Variants in TCF25 observed in about 807,000 individuals in gnomAD.
TCF25 encodes ribosome quality control complex subunit TCF25.
Under a neutral mutation model 83.1 loss-of-function variants are expected in TCF25, and 41 were observed. That is an observed-to-expected ratio of 0.49 (90% CI 0.38 to 0.64). The LOEUF is 0.64. Ranked by LOEUF, TCF25 falls within the 30% of genes least tolerant of loss-of-function variation. The pLI, the probability that TCF25 is intolerant of heterozygous loss-of-function variation, is 0.00. For missense variants in TCF25, 979 were observed against 914.5 expected (o/e 1.07, Z -0.91); for synonymous variants, 458 against 365.0 (o/e 1.25, Z -2.90).
rs759324872 is a variant in TCF25, at chr16:89,911,240, C to T, written c.*2C>T. On this transcript the variant is annotated 3_prime_UTR_variant, in exon 18 of 18. Transcript: ENST00000263346. ...GAGGGGGAGGGGGAGTGGGACTGAG[C>T]GTCCGCAGAGGTGACCGAAAAGCCG... is the stretch of plus-strand genomic sequence containing the variant. 3.8e-5 allele frequency: 61 copies of T among 1,612,152 alleles called. No individual in the cohort carries two copies. The highest frequency in any genetic ancestry group is 1.7e-4 in the Middle Eastern group (1 of 5,792).
rs559881475 is a variant in TCF25, at chr16:89,884,181, A to G, written c.355-401A>G. On this transcript the variant is annotated intron_variant, in intron 2 of 17. Transcript: ENST00000263346. The stretch of plus-strand genomic sequence containing the variant: ...TGGGGGCTTCCTGAGGAGCCTTCCT[A>G]CTGTCAGAAGGGGTTGGCCAGGTGC... 4 of 198,894 alleles carry G rather than the reference A, an allele frequency of 2.0e-5. No individual in the cohort carries two copies. In the South Asian group the frequency reaches 2.3e-4, roughly 11 times the overall value. 12.3% of individuals were successfully genotyped at this position (198,894 alleles called of 1,614,324 possible).
intron 7 of TCF25, 25 bp downstream of exon 7, chr16:89,893,883 C>T: frequency 6.3e-7 from 1 of 1,584,842 alleles, no homozygotes; most frequent in Non-Finnish European, 8.6e-7. Context: ...CAGCCCCTGA[C>T]AGGAGCAGGG....
chr16:89,887,715 A>G lies in TCF25; in HGVS notation c.612A>G (p.Gln204=). 2 of 1,587,514 alleles carry G rather than the reference A, an allele frequency of 1.3e-6. No homozygotes were observed. Among genetic ancestry groups the G allele is most frequent in the Non-Finnish European group, 1.7e-6 (2 of 1,170,966 alleles). Residue 204 remains glutamine, a splice_region_variant and synonymous_variant, in exon 5 of 18, where the codon CAA becomes CAG. Coordinates refer to ENST00000263346, the MANE Select transcript of TCF25 (RefSeq NM_014972.3). ...GTGCCCGGGCAATCCTGGGGGAGCA[A>G]AGGTAAGGTCCACAGTGAGCTGCAT... ...YFGARAILGE[Q]RPRQRQRVYP... is the part of the protein sequence containing the mutation.
chr16:89,908,483 CCA>C (rs1447523104), intron 16 of TCF25, among the ~76,000 whole-genome samples: 2 of 145,726 alleles, frequency 1.4e-5, no homozygotes, highest in African/African-American at 2.5e-5. Context: ...CTGCCAGCTC[CCA>C]CCTCTTTCCT....
intron 5 of TCF25, among the ~76,000 whole-genome samples, chr16:89,891,186 G>A (rs1031597836): frequency 4.6e-5 from 7 of 152,210 alleles, no homozygotes; most frequent in Non-Finnish European, 1.0e-4. Context: ...AGGCTGCCTC[G>A]TTGGGTCTGT....
intron 14 of TCF25, among the ~76,000 whole-genome samples, chr16:89,905,474 C>T (rs747069685): frequency 2.6e-5 from 4 of 152,206 alleles, no homozygotes; most frequent in African/African-American, 4.8e-5. Context: ...GTGAACACTT[C>T]GGAGGCTCAT....
At position 89,911,214 on chromosome 16, in the gene TCF25, T is replaced by TGAGGGG. The variant is rs760805094; in HGVS notation, c.2017_2022dup (p.Gly673_Glu674dup). The TGAGGGG allele has an allele frequency of 3.1e-6, 5 of 1,612,298 alleles. No individual in the cohort carries two copies. The African/African-American group carries it at 5.3e-5, about 17-fold the overall frequency. On this transcript the variant is annotated inframe_insertion, in exon 18 of 18. Transcript: ENST00000263346. ...TGGAGGCGCCGCACGAGGACGACGC[T>TGAGGGG]GAGGGGGAGGGGGAGTGGGACTGAG...
Position 89,893,767 on chromosome 16 carries a change from C to A in TCF25, c.737C>A (p.Ser246Tyr). Residue 246 changes from serine to tyrosine, a missense_variant, in exon 7 of 18, where the codon TCC (serine) becomes TAC (tyrosine). Ser to Tyr is a moderately radical substitution (Grantham distance 144). Transcript: ENST00000263346. ...MRLLESKKGLSFFAFEHSEEY... is the reference protein window; with the variant it reads ...MRLLESKKGLYFFAFEHSEEY... ...CTGCTGGAATCAAAAAAAGGCCTCT[C>A]CTTCTTTGCGTTTGAGCACAGTGAG... The A allele has an allele frequency of 6.2e-7, 1 of 1,613,922 alleles. No homozygotes were observed. The highest frequency in any genetic ancestry group is 2.2e-5 in the East Asian group (1 of 44,860).
At chr16:89,883,250 G>A (rs545417544) in intron 1 of TCF25, 101 bp from the exon 2 acceptor site, 2 of 1,501,916 alleles carry the variant, frequency 1.3e-6, no homozygotes, top group East Asian at 2.3e-5. Context: ...TGACCCTGGG[G>A]GTCCCCAACG....
rs1469641577 is a variant in TCF25, at chr16:89,904,999, A to G, written c.1531A>G (p.Lys511Glu). ...CCTTGGGAGGTCACACTTTCTCTGG[A>G]AAGAGCCCGCCACCATGAGCTGGCT... ...LYLGRSHFLW[K>E]EPATMSWLEE... The change falls in exon 14 of 18, where the codon AAA becomes GAA. Residue 511 changes from lysine to glutamate, a missense_variant. By Grantham distance (56) the Lys-to-Glu change is moderately conservative (BLOSUM62 1). Transcript: ENST00000263346. The G allele has an allele frequency of 3.7e-6, 6 of 1,606,724 alleles. No individual in the cohort carries two copies. Among genetic ancestry groups the G allele is most frequent in the Non-Finnish European group, 5.1e-6 (6 of 1,177,078 alleles).
Position 89,873,769 on chromosome 16 carries a change from G to C in TCF25, c.102G>C (p.Ala34=). The C allele has an allele frequency of 6.2e-7, 1 of 1,610,766 alleles. No homozygotes were observed. Among genetic ancestry groups the C allele is most frequent in the Non-Finnish European group, 8.5e-7 (1 of 1,179,162 alleles). ...TCGATCTCCGTGATGACGATGACGC[G>C]GAAGAAGAAGGGCCCAAGCGGGAGC... ...LHFDLRDDDD[A]EEEGPKRELG... Residue 34 remains alanine (A), a synonymous_variant, in exon 1 of 18, where the codon GCG becomes GCC. Coordinates refer to ENST00000263346, the MANE Select transcript of TCF25 (RefSeq NM_014972.3).
chr16:89,877,070 C>T (rs1186918047), intron 1 of TCF25, among the ~76,000 whole-genome samples: 1 of 151,472 alleles, frequency 6.6e-6, no homozygotes, highest in African/African-American at 2.4e-5. Flanking sequence ...CCACCAGGCT[C>T]CAGCCCGGGC....
In TCF25 at chr16:89,907,246, G is replaced by C; in HGVS notation, c.1723G>C (p.Val575Leu). 6.2e-7 allele frequency: 1 copy of C among 1,612,600 alleles called. No homozygotes were observed. Among genetic ancestry groups the C allele is most frequent in the Non-Finnish European group, 8.5e-7 (1 of 1,179,286 alleles). ...KEAVAALPPD[V>L]TTQSVMGFDP... ...CGTTTTATGTCCCTTTCTGAAGGAC[G>C]TGACCACGCAGTCTGTGATGGGGTT... The change falls in exon 16 of 18, where the codon GTG (valine) becomes CTG (leucine). Residue 575 changes from valine (V) to leucine (L), a missense_variant. Val to Leu is a conservative substitution (Grantham distance 32). Transcript: ENST00000263346.
chr16:89,900,459 C>T (rs1209181013), intron 11 of TCF25, among the ~76,000 whole-genome samples, 176 bp from the exon 12 acceptor site: 1 of 152,120 alleles, frequency 6.6e-6, no homozygotes, highest in Non-Finnish European at 1.5e-5. Flanking sequence ...TGCGGAAAGC[C>T]CCCCAGGTGG....
chr16:89,908,652 C>A (rs1181602584), intron 16 of TCF25, among the ~76,000 whole-genome samples: 2 of 135,706 alleles, frequency 1.5e-5, no homozygotes, highest in Non-Finnish European at 3.3e-5. Context: ...TCCCAGCTCC[C>A]ACCTCCCAGC....
At chr16:89,879,065 C>T (rs908888020) in intron 1 of TCF25, among the ~76,000 whole-genome samples, 4 of 152,234 alleles carry the variant, frequency 2.6e-5, no homozygotes, top group Non-Finnish European at 4.4e-5. Flanking sequence ...GCCTGTCACC[C>T]GTGCTGTCTG....
rs186810245 is a variant in TCF25 at position 89,911,287 on chromosome 16, T to A, written c.*49T>A. The A allele has an allele frequency of 6.9e-6, 11 of 1,600,684 alleles. No individual in the cohort carries two copies. In the Admixed American group the frequency reaches 1.8e-4, roughly 27 times the overall value. On this transcript the variant is annotated 3_prime_UTR_variant, in exon 18 of 18. Transcript: ENST00000263346. ...GCCGTATGATGATGTTCCCGATTTC[T>A]CTGTTGGTCGGAGTCGGCCAGTTGC... is the stretch of plus-strand genomic sequence containing the variant.
At chr16:89,889,082 A>C (rs1161603387) in intron 5 of TCF25, 1 of 244,466 alleles carries the variant, frequency 4.1e-6, no homozygotes, top group African/African-American at 2.4e-5. Context: ...AGGGTCTTTC[A>C]GCTCCTTAGA....
chr16:89,882,667 A>G (rs762421203), intron 1 of TCF25, among the ~76,000 whole-genome samples: 5 of 152,124 alleles, frequency 3.3e-5, no homozygotes, highest in Non-Finnish European at 5.9e-5. Context: ...ACTCACAGCA[A>G]CCTCTGCCTC....
Sources: allele counts gnomAD v4.1 joint callset (sites outside exome capture counted in the v4.1 genomes callset), GRCh38; gene constraint gnomAD v4.1.1; transcripts MANE v1.5; gene names NCBI Gene and HGNC (gene_info 2026-07-23, HGNC 2026-07-21).